The following USP25 variants were observed in gnomAD, a reference collection of about 807,000 sequenced individuals.
USP25 encodes ubiquitin specific peptidase 25, also known as ubiquitin carboxyl-terminal hydrolase 25.
Under a neutral mutation model 158.5 loss-of-function variants are expected in USP25, and 85 were observed. The ratio of observed to expected loss-of-function variants is 0.54; its 90% CI spans 0.45 to 0.64. The LOEUF (loss-of-function observed/expected upper bound fraction) is 0.64, where lower values mean the gene tolerates loss of function less well. Among genes scored for constraint, USP25 ranks in the 30% least tolerant of loss-of-function variants. The pLI is 0.00. For missense variants in USP25, 1,242 were observed against 1,327.3 expected, an observed-to-expected ratio of 0.94 and a Z score of 1.00; for synonymous variants, 464 against 460.4, an observed-to-expected ratio of 1.01 and a Z score of -0.10.
intron 6 of USP25, among the ~76,000 whole-genome samples, chr21:15,801,989 G>A (rs941293859): frequency 6.6e-6 from 1 of 151,364 alleles, no homozygotes; most frequent in Non-Finnish European, 1.5e-5. Context: ...GAATTGTGAG[G>A]TCCCTGGAAA....
intron 15 of USP25, 67 bp downstream of exon 15, chr21:15,830,668 ATTATCT>A (rs1360788680): frequency 8.0e-7 from 1 of 1,249,636 alleles, no homozygotes; most frequent in African/African-American, 1.5e-5. Context: ...TTACCTTTAC[ATTATCT>A]TAATCTAATT....
intron 5 of USP25, among the ~76,000 whole-genome samples, chr21:15,792,657 A>G (rs576178931): frequency 6.6e-6 from 1 of 151,748 alleles, no homozygotes; most frequent in African/African-American, 2.4e-5. Context: ...TCTACAAGTT[A>G]ATTGTTTTTG....
chr21:15,758,152 A>G (rs1056094915), intron 1 of USP25, among the ~76,000 whole-genome samples: 6 of 152,174 alleles, frequency 3.9e-5, no homozygotes, highest in African/African-American at 1.4e-4. Flanking sequence ...AGGCCTGGAC[A>G]TCTTCATTAT....
At position 15,852,084 on chromosome 21, in the gene USP25, A is replaced by G. The variant is rs2038915063; in HGVS notation, c.2547+2212A>G. Among the ~76,000 whole-genome samples, 3 of 152,138 alleles carry G rather than the reference A, an allele frequency of 2.0e-5. No individual in the cohort carries two copies. The South Asian group carries it at 6.2e-4, about 31-fold the overall frequency. On this transcript the variant is annotated intron_variant, in intron 20 of 25. Transcript: ENST00000400183. Reference sequence around the variant, plus strand: ...TCTAAATAAATACTGTGGTTAATAAACTTCAGTGAATCTGAGGTAAAAGTT... The same window carrying G: ...TCTAAATAAATACTGTGGTTAATAAGCTTCAGTGAATCTGAGGTAAAAGTT...
intron 20 of USP25, among the ~76,000 whole-genome samples, chr21:15,863,412 C>A (rs1376308008): frequency 1.3e-5 from 2 of 151,942 alleles, no homozygotes; most frequent in Non-Finnish European, 1.5e-5. Flanking sequence ...ATAATTATAA[C>A]CCCGGGGCTT....
chr21:15,860,975 TAGAG>T (rs1555862138), intron 20 of USP25, among the ~76,000 whole-genome samples: 13 of 140,662 alleles, frequency 9.2e-5, no homozygotes, highest in Non-Finnish European at 1.7e-4. Context: ...TATATATATA[TAGAG>T]AGAGAGAGAG....
At chr21:15,779,419 TA>T (rs1258622035) in intron 4 of USP25, among the ~76,000 whole-genome samples, 1 of 151,972 alleles carries the variant, frequency 6.6e-6, no homozygotes, top group Non-Finnish European at 1.5e-5. Context: ...AAAAGGGTTA[TA>T]AAAAGAATGT....
chr21:15,775,166 GA>G (rs1443815807), intron 3 of USP25, among the ~76,000 whole-genome samples: 2 of 152,056 alleles, frequency 1.3e-5, no homozygotes, highest in Non-Finnish European at 2.9e-5. Context: ...TATATTTGGG[GA>G]AAAAACATCT....
In USP25 at chr21:15,805,240, A is replaced by G. The variant is rs1170841037; in HGVS notation, c.762A>G (p.Lys254=). The change falls in exon 7 of 26, where the codon AAA becomes AAG. Residue 254 remains lysine (K), a synonymous_variant. Transcript: ENST00000400183. ...RAVEILKDAF[K]SNDSQQQDVS... is the part of the protein sequence containing the mutation. ...TTGAAATTCTTAAGGATGCTTTCAA[A>G]TCAAATGACTCACAGCAGGTAGTTC... is the stretch of plus-strand genomic sequence containing the variant. 6.2e-7 allele frequency: 1 copy of G among 1,602,558 alleles called. No individual in the cohort carries two copies. Among genetic ancestry groups the G allele is most frequent in the Non-Finnish European group, 8.5e-7 (1 of 1,176,048 alleles).
chr21:15,795,147 C>T (rs2035798951), intron 5 of USP25, among the ~76,000 whole-genome samples: 1 of 151,448 alleles, frequency 6.6e-6, no homozygotes. Flanking sequence ...TGCCTTCCCA[C>T]TGAGATAGAT....
intron 1 of USP25, among the ~76,000 whole-genome samples, chr21:15,756,707 G>T (rs1247116960): frequency 6.6e-6 from 1 of 152,090 alleles, no homozygotes; most frequent in South Asian, 2.1e-4. Context: ...GGATGTTATT[G>T]TGCAGTAAAA....
At chr21:15,803,892 A>T (rs2036250759) in intron 6 of USP25, among the ~76,000 whole-genome samples, 1 of 151,876 alleles carries the variant, frequency 6.6e-6, no homozygotes, top group Admixed American at 6.6e-5. Context: ...TATGTGGGTT[A>T]TACTATTTTG....
chr21:15,791,878 T>TA (rs1463916387), intron 5 of USP25, among the ~76,000 whole-genome samples: 2 of 151,892 alleles, frequency 1.3e-5, no homozygotes, highest in Non-Finnish European at 2.9e-5. Flanking sequence ...GATCACTACT[T>TA]ATGCCTTTCA....
chr21:15,863,723 T>G (rs1291768632), intron 20 of USP25, among the ~76,000 whole-genome samples: 4 of 152,176 alleles, frequency 2.6e-5, no homozygotes, highest in African/African-American at 7.2e-5. Context: ...AAAAGAACGT[T>G]TATATAGTGA....
intron 25 of USP25, 92 bp from the exon 26 acceptor site, chr21:15,878,211 C>G: frequency 6.8e-7 from 1 of 1,473,428 alleles, no homozygotes; most frequent in South Asian, 1.4e-5. Context: ...ATTATCTTAC[C>G]TATTAGAGTA....
intron 19 of USP25, among the ~76,000 whole-genome samples, chr21:15,849,364 G>A (rs1242866949): frequency 6.6e-6 from 1 of 152,176 alleles, no homozygotes; most frequent in African/African-American, 2.4e-5. Context: ...CTGCAAGGAT[G>A]ACTAGACAAG....
At chr21:15,778,240 A>G (rs1464792315) in intron 4 of USP25, among the ~76,000 whole-genome samples, 1 of 152,076 alleles carries the variant, frequency 6.6e-6, no homozygotes, top group Non-Finnish European at 1.5e-5. Flanking sequence ...GGATGGTGTT[A>G]TGAGGGATTA....
At chr21:15,741,314 A>T (rs2032037987) in intron 1 of USP25, among the ~76,000 whole-genome samples, 1 of 145,034 alleles carries the variant, frequency 6.9e-6, no homozygotes, top group African/African-American at 2.6e-5. Flanking sequence ...CAGTTTTTTG[A>T]CCCATATATA....
chr21:15,829,083 A>C (rs1357782999), intron 14 of USP25, among the ~76,000 whole-genome samples: 3 of 152,164 alleles, frequency 2.0e-5, no homozygotes, highest in African/African-American at 7.2e-5. Context: ...GGTATGATGT[A>C]ATTCATTTAA....
Sources: gnomAD v4.1 joint callset for allele counts (sites outside exome capture counted in the v4.1 genomes callset) on GRCh38, gnomAD v4.1.1 for gene constraint, MANE v1.5 for transcripts, NCBI Gene and HGNC (gene_info 2026-07-23, HGNC 2026-07-21) for gene names.